The following MTBP variants were observed in gnomAD, a reference collection of about 807,000 sequenced individuals.
The protein encoded by MTBP is MDM2 binding protein.
MTBP carries 101 observed loss-of-function variants against 117.0 expected under a neutral mutation model. The observed-to-expected ratio is 0.86, with a 90% CI of 0.73 to 1.02. The LOEUF (loss-of-function observed/expected upper bound fraction) is 1.02. Ranked by LOEUF, MTBP falls within the 50% of genes least tolerant of loss-of-function variation. The probability of loss-of-function intolerance (pLI) is 0.00; values close to 1 mark genes in which losing one functional copy is unlikely to be tolerated. For missense variants in MTBP, 970 were observed against 1,030.9 expected (o/e 0.94, Z 0.81); for synonymous variants, 350 against 351.5 (o/e 1.00, Z 0.05).
At chr8:120,471,119 T>G in intron 11 of MTBP, 182 bp downstream of exon 11, 2 of 498,524 alleles carry the variant, frequency 4.0e-6, no homozygotes, top group Non-Finnish European at 3.5e-6. Context: ...AAAGTATCTC[T>G]AACCATATTC....
intron 13 of MTBP, among the ~76,000 whole-genome samples, chr8:120,492,121 T>C (rs1814359382): frequency 6.6e-6 from 1 of 152,200 alleles, no homozygotes; most frequent in Non-Finnish European, 1.5e-5. Context: ...CTAGAGACAC[T>C]GGCTCTGGGT....
intron 17 of MTBP, among the ~76,000 whole-genome samples, chr8:120,514,659 G>C (rs1814884702): frequency 6.6e-6 from 1 of 152,030 alleles, no homozygotes; most frequent in South Asian, 2.1e-4. Flanking sequence ...CATTCTGGCT[G>C]TGCTACATAT....
intron 14 of MTBP, among the ~76,000 whole-genome samples, chr8:120,501,047 C>T (rs569911898): frequency 4.7e-4 from 71 of 152,144 alleles, no homozygotes; most frequent in African/African-American, 1.4e-3. Flanking sequence ...AAAAATTAGC[C>T]GGGCGTGGTG....
At chr8:120,483,599 T>C (rs1814144051) in intron 11 of MTBP, among the ~76,000 whole-genome samples, 1 of 152,164 alleles carries the variant, frequency 6.6e-6, no homozygotes, top group African/African-American at 2.4e-5. Flanking sequence ...TGACAAAGAA[T>C]ATAACTTGAT....
chr8:120,518,704 A>T lies in MTBP; in HGVS notation c.2497A>T (p.Ile833Leu), dbSNP rs138095997. Reference protein sequence around the residue: ...KESRSQKHTRILKEVVTETLK... With the variant: ...KESRSQKHTRLLKEVVTETLK... ...CGTCATATGTTATGTTCTGTTCAAG[A>T]TACTGAAAGAAGTAGTTACTGAAAC... Residue 833 changes from isoleucine to leucine, a missense_variant and splice_region_variant, in exon 20 of 22, where the codon ATA becomes TTA. By Grantham distance (5) the Ile-to-Leu change is conservative. Coordinates refer to ENST00000305949, the MANE Select transcript of MTBP (RefSeq NM_022045.5). The T allele has an allele frequency of 6.0e-5, 95 of 1,592,088 alleles. No individual in the cohort carries two copies. The South Asian group carries it at 7.0e-4, about 12-fold the overall frequency.
chr8:120,461,943 T>G (rs1427458870), intron 9 of MTBP, among the ~76,000 whole-genome samples: 3 of 152,202 alleles, frequency 2.0e-5, no homozygotes, highest in Non-Finnish European at 4.4e-5. Context: ...ATTTTCTTAT[T>G]GAAAGTTCTT....
At position 120,516,031 on chromosome 8, in the gene MTBP, T is replaced by G. The variant is rs1271390418; in HGVS notation, c.2086T>G (p.Phe696Val). The change falls in exon 18 of 22, where the codon TTT becomes GTT. Residue 696 changes from phenylalanine to valine, a missense_variant. Transcript: ENST00000305949. ...ETQTTCTRES[F>V]PVPTVLSPLP... ...TCAAACTACCTGCACCAGAGAAAGTTTTCCAGTACCTACTGTGTTGAGCCC... is the reference window on the plus strand; with the variant it reads ...TCAAACTACCTGCACCAGAGAAAGTGTTCCAGTACCTACTGTGTTGAGCCC... 6.2e-7 allele frequency: 1 copy of G among 1,613,160 alleles called. No homozygotes were observed. Among genetic ancestry groups the G allele is most frequent in the Non-Finnish European group, 8.5e-7 (1 of 1,179,322 alleles).
chr8:120,455,393 T>C, intron 5 of MTBP, 42 bp from the exon 6 acceptor site: 1 of 1,369,554 alleles, frequency 7.3e-7, no homozygotes, highest in Non-Finnish European at 1.0e-6. Context: ...ATTTCAGATC[T>C]AACTTTTTAA....
intron 14 of MTBP, among the ~76,000 whole-genome samples, chr8:120,497,823 T>G (rs906621427): frequency 2.0e-5 from 3 of 152,220 alleles, no homozygotes; most frequent in Non-Finnish European, 4.4e-5. Context: ...TTTAAGATGA[T>G]GCCTCTCTTT....
At chr8:120,485,973 A>G (rs1390173215) in intron 11 of MTBP, among the ~76,000 whole-genome samples, 1 of 152,074 alleles carries the variant, frequency 6.6e-6, no homozygotes, top group Non-Finnish European at 1.5e-5. Context: ...TTGCTATCAC[A>G]TGTAGCTACT....
intron 11 of MTBP, among the ~76,000 whole-genome samples, chr8:120,476,597 TC>T (rs1484783029): frequency 6.6e-6 from 1 of 152,064 alleles, no homozygotes; most frequent in Non-Finnish European, 1.5e-5. Context: ...TTACAAACAT[TC>T]CTATACACCA....
chr8:120,452,505 C>G (rs922561600), intron 4 of MTBP: 8 of 151,724 alleles, frequency 5.3e-5, no homozygotes, highest in Non-Finnish European at 1.0e-4. Context: ...CTTAAAAACT[C>G]TTATCATCCC....
In MTBP at chr8:120,497,588, G is replaced by T. The variant is rs754440506; in HGVS notation, c.1609+34G>T. The T allele has an allele frequency of 1.8e-3, 1,104 of 626,530 alleles. 1 individual carries two copies. The highest frequency in any genetic ancestry group is 2.5e-3 in the Non-Finnish European group (971 of 387,774). The allele number at this position is 626,530 out of a possible 1,614,324, so 38.8% of individuals were successfully genotyped here. ...TTTATTACTTTAAATTTTAGTTCGT[G>T]TGTGTGTGGCAACTATGACATTTAT... is the stretch of plus-strand genomic sequence containing the variant. On this transcript the variant is annotated intron_variant, in intron 14 of 21. Transcript: ENST00000305949.
chr8:120,500,625 G>T (rs927216600), intron 14 of MTBP, among the ~76,000 whole-genome samples: 2 of 152,174 alleles, frequency 1.3e-5, no homozygotes, highest in Admixed American at 6.5e-5. Flanking sequence ...GTGAAGTGTT[G>T]TATTTGGATG....
intron 11 of MTBP, chr8:120,473,365 C>T (rs1478211134): frequency 2.6e-5 from 4 of 152,052 alleles, no homozygotes; most frequent in Admixed American, 2.6e-4. Flanking sequence ...TTGGAAGACC[C>T]TAGCAAGTTA....
chr8:120,459,100 C>G, intron 7 of MTBP, 115 bp from the exon 8 acceptor site: 1 of 890,052 alleles, frequency 1.1e-6, no homozygotes, highest in Non-Finnish European at 1.7e-6. Context: ...GCTGAGGAAT[C>G]AAAAATAAAT....
rs181034437 is a variant in MTBP at position 120,501,147 on chromosome 8, C to T, written c.1610-1345C>T. 6.3e-3 allele frequency among the ~76,000 whole-genome samples: 664 copies of T among 105,396 alleles called. 7 individuals are homozygous for T. The highest frequency in any genetic ancestry group is 0.022 in the African/African-American group (588 of 26,528). 69.1% of individuals were successfully genotyped at this position (105,396 alleles called of 152,430 possible). The stretch of plus-strand genomic sequence containing the variant: ...CGGAGCTTGCAGTGAGCCGAGATTG[C>T]GCCACTGCACTCCAGCCTGGGTGAC... On this transcript the variant is annotated intron_variant, in intron 14 of 21. Transcript: ENST00000305949.
intron 10 of MTBP, among the ~76,000 whole-genome samples, chr8:120,467,350 C>CA (rs1813720137): frequency 6.6e-6 from 1 of 152,186 alleles, no homozygotes; most frequent in South Asian, 2.1e-4. Context: ...TGCAGTGACT[C>CA]ACGCCTGTAA....
chr8:120,482,435 GTGTC>G (rs1814105810), intron 11 of MTBP, among the ~76,000 whole-genome samples: 2 of 152,010 alleles, frequency 1.3e-5, no homozygotes, highest in Non-Finnish European at 2.9e-5. Context: ...CTATGCTTCT[GTGTC>G]TGTTGAACAA....
Sources: allele counts gnomAD v4.1 joint callset (sites outside exome capture counted in the v4.1 genomes callset), GRCh38; gene constraint gnomAD v4.1.1; transcripts MANE v1.5; gene names NCBI Gene and HGNC (gene_info 2026-07-23, HGNC 2026-07-21).